Variants in PAPOLA observed in about 807,000 individuals in gnomAD.
The protein encoded by PAPOLA is polynucleotide adenylyltransferase alpha.
PAPOLA carries 15 observed loss-of-function variants against 100.6 expected under a neutral mutation model. The observed-to-expected ratio is 0.15, with a 90% CI of 0.10 to 0.23. The LOEUF is 0.23. Ranked by LOEUF, PAPOLA falls within the 10% of genes least tolerant of loss-of-function variation. The pLI, the probability that PAPOLA is intolerant of heterozygous loss-of-function variation, is 1.00. For missense variants in PAPOLA, 533 were observed against 884.2 expected (o/e 0.60, Z 5.04); for synonymous variants, 293 against 300.0 (o/e 0.98, Z 0.24).
chr14:96,513,067 T>G (rs952919324), intron 1 of PAPOLA, among the ~76,000 whole-genome samples: 24 of 152,262 alleles, frequency 1.6e-4, no homozygotes, highest in African/African-American at 5.5e-4. Context: ...TTATTGTTTG[T>G]TTTTTGCTTT....
intron 15 of PAPOLA, among the ~76,000 whole-genome samples, chr14:96,546,347 C>G (rs1900393714): frequency 6.6e-6 from 1 of 152,066 alleles, no homozygotes; most frequent in African/African-American, 2.4e-5. Flanking sequence ...CTCTTTTGCC[C>G]TTGCCCCCTT....
intron 3 of PAPOLA, among the ~76,000 whole-genome samples, chr14:96,521,921 C>T (rs1281342393): frequency 3.3e-5 from 5 of 152,088 alleles, no homozygotes. Context: ...CATGCCTCAG[C>T]CTCCTGAGTA....
At chr14:96,543,024 T>TA in intron 14 of PAPOLA, 131 bp downstream of exon 14, 1 of 912,158 alleles carries the variant, frequency 1.1e-6, no homozygotes, top group Non-Finnish European at 1.7e-6. Context: ...ATTTAGAACT[T>TA]ATAATTTAGT....
At chr14:96,527,344 T>G in intron 4 of PAPOLA, 86 bp from the exon 5 acceptor site, 2 of 793,586 alleles carry the variant, frequency 2.5e-6, no homozygotes, top group Non-Finnish European at 4.3e-6. Flanking sequence ...TTAAACAGAT[T>G]CTCAACATCA....
chr14:96,517,718 T>TTC (rs1897582755), intron 1 of PAPOLA, among the ~76,000 whole-genome samples: 2 of 150,424 alleles, frequency 1.3e-5, no homozygotes, highest in South Asian at 4.2e-4. Context: ...TTTTTTTTTT[T>TTC]CCTGAGATGG....
chr14:96,534,102 T>G, intron 9 of PAPOLA: 2 of 1,004,194 alleles, frequency 2.0e-6, no homozygotes, highest in South Asian at 8.9e-5. Flanking sequence ...GAAGTAACTT[T>G]TAAAATTATC....
intron 1 of PAPOLA, among the ~76,000 whole-genome samples, chr14:96,511,271 G>A (rs1359894523): frequency 6.6e-6 from 1 of 152,130 alleles, no homozygotes; most frequent in Non-Finnish European, 1.5e-5. Context: ...TGTATAAATT[G>A]AGACACAGGC....
chr14:96,512,309 A>T (rs2140235274), intron 1 of PAPOLA, among the ~76,000 whole-genome samples: 1 of 152,222 alleles, frequency 6.6e-6, no homozygotes, highest in Non-Finnish European at 1.5e-5. Context: ...TCTGAGCTAT[A>T]AGGGAGGATC....
Position 96,516,479 on chromosome 14 carries a change from C to T in PAPOLA, c.9-3576C>T, listed in dbSNP as rs906795655. ...TCAGCCTCCTGAGTAGCTAGGACTA[C>T]GGGCATGTGCCACCAAGCCCAGCTA... is the stretch of plus-strand genomic sequence containing the variant. On this transcript the variant is annotated intron_variant, in intron 1 of 21. Transcript: ENST00000216277. Among the ~76,000 whole-genome samples, 4 of 148,432 alleles carry T rather than the reference C, an allele frequency of 2.7e-5. No homozygotes were observed. In the East Asian group the frequency reaches 8.4e-4, roughly 31 times the overall value.
chr14:96,560,834 C>A (rs984032346), intron 20 of PAPOLA, 123 bp downstream of exon 20: 7 of 642,506 alleles, frequency 1.1e-5, no homozygotes, highest in African/African-American at 9.3e-5. Flanking sequence ...TTGTTTATTA[C>A]TGTTAATTAT....
intron 1 of PAPOLA, among the ~76,000 whole-genome samples, chr14:96,516,983 CTT>C (rs951752036): frequency 2.6e-5 from 4 of 151,668 alleles, no homozygotes; most frequent in African/African-American, 9.7e-5. Flanking sequence ...AGTGGATACT[CTT>C]TGTTTTTTTA....
At chr14:96,518,454 G>T (rs1897655848) in intron 1 of PAPOLA, among the ~76,000 whole-genome samples, 1 of 151,660 alleles carries the variant, frequency 6.6e-6, no homozygotes, top group Non-Finnish European at 1.5e-5. Context: ...TGTCCCCCAG[G>T]CTGGAGTGCA....
chr14:96,513,171 C>T (rs1897221480), intron 1 of PAPOLA, among the ~76,000 whole-genome samples: 1 of 152,082 alleles, frequency 6.6e-6, no homozygotes, highest in Non-Finnish European at 1.5e-5. Flanking sequence ...TCAAGAGATC[C>T]TCTTGCCTCA....
intron 12 of PAPOLA, among the ~76,000 whole-genome samples, chr14:96,540,707 A>G (rs116979521): frequency 0.015 from 2,348 of 152,218 alleles, 35 homozygotes; most frequent in Non-Finnish European, 0.023. Flanking sequence ...ACATATCCCT[A>G]TATACCTTGT....
At position 96,556,200 on chromosome 14, in the gene PAPOLA, A is replaced by G. The variant is rs370479030; in HGVS notation, c.1791A>G (p.Gln597=). The change falls in exon 19 of 22, where the codon CAA becomes CAG. Residue 597 remains glutamine (Q), a synonymous_variant. Coordinates refer to ENST00000216277, the MANE Select transcript of PAPOLA (RefSeq NM_032632.5). ...GTACATCGAGTGAAAGCATTCCTCA[A>G]ACTGCCACACAACCAGCCATTTCTC... is the stretch of plus-strand genomic sequence containing the variant. ...SGGTSSESIP[Q]TATQPAISPP... 82 of 1,614,168 alleles carry G rather than the reference A, an allele frequency of 5.1e-5. No individual in the cohort carries two copies. The highest frequency in any genetic ancestry group is 1.6e-4 in the Middle Eastern group (1 of 6,062).
intron 6 of PAPOLA, among the ~76,000 whole-genome samples, chr14:96,528,319 G>A (rs1288660953): frequency 6.6e-6 from 1 of 152,148 alleles, no homozygotes; most frequent in African/African-American, 2.4e-5. Flanking sequence ...CATTAAGGCA[G>A]TAGCATAATG....
chr14:96,563,099 A>G (rs1901999202), intron 21 of PAPOLA, among the ~76,000 whole-genome samples: 1 of 152,136 alleles, frequency 6.6e-6, no homozygotes. Context: ...TTCGATGTTA[A>G]CCCATCCCCT....
At chr14:96,540,911 G>A (rs1314672899) in intron 12 of PAPOLA, among the ~76,000 whole-genome samples, 3 of 152,202 alleles carry the variant, frequency 2.0e-5, no homozygotes, top group Non-Finnish European at 1.5e-5. Context: ...TTTTGAGACG[G>A]AGTCTCGCTC....
At chr14:96,526,551 G>A (rs921485159) in intron 4 of PAPOLA, 3 of 152,456 alleles carry the variant, frequency 2.0e-5, no homozygotes, top group African/African-American at 7.2e-5. Context: ...TGTCCAGCTG[G>A]TCTCGAACTC....
Sources: gnomAD v4.1 joint callset for allele counts (sites outside exome capture counted in the v4.1 genomes callset) on GRCh38, gnomAD v4.1.1 for gene constraint, MANE v1.5 for transcripts, NCBI Gene and HGNC (gene_info 2026-07-23, HGNC 2026-07-21) for gene names.